MTUS1: variants seen among roughly 807,000 people sequenced by gnomAD.
MTUS1 encodes microtubule associated scaffold protein 1.
Under a neutral mutation model 120.8 loss-of-function variants are expected in MTUS1, and 109 were observed. That is an observed-to-expected ratio of 0.90 (90% CI 0.77 to 1.06). The LOEUF (loss-of-function observed/expected upper bound fraction) is 1.06, where lower values mean the gene tolerates loss of function less well. Ranked by LOEUF, MTUS1 falls within the 50% of genes least tolerant of loss-of-function variation. MTUS1 has a pLI of 0.00. For synonymous variants in MTUS1, 737 were observed against 550.5 expected (o/e 1.34, Z -4.74); for missense variants, 2,210 against 1,486.3 (o/e 1.49, Z -8.01).
chr8:17,742,698 G>A (rs915962960), intron 3 of MTUS1, among the ~76,000 whole-genome samples: 2 of 152,106 alleles, frequency 1.3e-5, no homozygotes, highest in Non-Finnish European at 2.9e-5. Flanking sequence ...AAGCATTACA[G>A]GCTTTCACAC....
At chr8:17,788,316 G>A (rs181192907) in intron 1 of MTUS1, among the ~76,000 whole-genome samples, 1 of 152,178 alleles carries the variant, frequency 6.6e-6, no homozygotes, top group African/African-American at 2.4e-5. Context: ...TGTATTCTGA[G>A]ACATATTCAT....
intron 1 of MTUS1, among the ~76,000 whole-genome samples, chr8:17,799,887 G>A (rs965358596): frequency 1.3e-5 from 2 of 151,712 alleles, no homozygotes; most frequent in South Asian, 4.1e-4. Context: ...GGATAAGCAT[G>A]TAGTTCTAAT....
chr8:17,715,491 C>T (rs1388721747), intron 5 of MTUS1, among the ~76,000 whole-genome samples: 1 of 152,252 alleles, frequency 6.6e-6, no homozygotes, highest in South Asian at 2.1e-4. Context: ...TTCTAGAGCA[C>T]TGTTTTAGAA....
intron 6 of MTUS1, among the ~76,000 whole-genome samples, chr8:17,700,184 G>A (rs149275116): frequency 6.6e-6 from 1 of 152,098 alleles, no homozygotes; most frequent in East Asian, 1.9e-4. Flanking sequence ...TTTATGGGCC[G>A]GGCGCGGTGG....
In MTUS1 at chr8:17,753,944, T is replaced by A; in HGVS notation, c.1864A>T (p.Asn622Tyr). 1 of 1,614,226 alleles carries A rather than the reference T, an allele frequency of 6.2e-7. No homozygotes were observed. Among genetic ancestry groups the A allele is most frequent in the Non-Finnish European group, 8.5e-7 (1 of 1,180,040 alleles). Residue 622 changes from asparagine (N) to tyrosine (Y), a missense_variant, in exon 2 of 15, where the codon AAC (asparagine) becomes TAC (tyrosine). By Grantham distance (143) the Asn-to-Tyr change is moderately radical. Coordinates refer to ENST00000693296, the MANE Select transcript of MTUS1 (RefSeq NM_001363059.2). ...QEDVDKASSS[N>Y]SACETGSVSA... ...ACGGACCCGGTCTCGCATGCTGAGTTAGAAGAACTGGCTTTGTCAACATCT... is the reference window on the plus strand; with the variant it reads ...ACGGACCCGGTCTCGCATGCTGAGTAAGAAGAACTGGCTTTGTCAACATCT...
chr8:17,786,085 A>G (rs2051279942), intron 1 of MTUS1, among the ~76,000 whole-genome samples: 1 of 152,222 alleles, frequency 6.6e-6, no homozygotes, highest in Non-Finnish European at 1.5e-5. Flanking sequence ...GGCTGCCGTG[A>G]GCCAAGACTG....
Position 17,754,395 on chromosome 8 carries a change from A to G in MTUS1, c.1413T>C (p.Pro471=), listed in dbSNP as rs760592440. Residue 471 remains proline (P), a synonymous_variant, in exon 2 of 15, where the codon CCT becomes CCC. Coordinates refer to ENST00000693296, the MANE Select transcript of MTUS1 (RefSeq NM_001363059.2). The part of the protein sequence containing the change: ...LKNIPDSKEA[P]VNLCKPSLGK... ...CTAAACTGGGTTTACACAGGTTCAC[A>G]GGTGCCTCCTTCGAGTCTGGTATGT... The G allele has an allele frequency of 1.2e-6, 2 of 1,614,166 alleles. No homozygotes were observed. Among genetic ancestry groups the G allele is most frequent in the Middle Eastern group, 1.6e-4 (1 of 6,062 alleles).
chr8:17,780,499 G>T (rs1018780185), intron 1 of MTUS1, among the ~76,000 whole-genome samples: 1 of 152,152 alleles, frequency 6.6e-6, no homozygotes, highest in Non-Finnish European at 1.5e-5. Context: ...TAGTGTTCCT[G>T]GTTTTCAACA....
intron 8 of MTUS1, among the ~76,000 whole-genome samples, chr8:17,660,942 C>T (rs527270947): frequency 5.9e-5 from 9 of 152,192 alleles, no homozygotes; most frequent in Non-Finnish European, 1.2e-4. Flanking sequence ...TTACAGGGGC[C>T]ATCGCACGCA....
intron 1 of MTUS1, among the ~76,000 whole-genome samples, chr8:17,774,002 C>T (rs2050209811): frequency 6.6e-6 from 1 of 152,210 alleles, no homozygotes; most frequent in Non-Finnish European, 1.5e-5. Context: ...GCCCTCACAT[C>T]TACATTCTCT....
At chr8:17,780,219 C>G (rs1430114525) in intron 1 of MTUS1, among the ~76,000 whole-genome samples, 1 of 152,158 alleles carries the variant, frequency 6.6e-6, no homozygotes, top group East Asian at 1.9e-4. Context: ...GGTACCTCCC[C>G]CGTCCCCTTG....
chr8:17,658,527 C>T (rs1346107355), intron 8 of MTUS1, among the ~76,000 whole-genome samples: 1 of 152,156 alleles, frequency 6.6e-6, no homozygotes, highest in Non-Finnish European at 1.5e-5. Flanking sequence ...TAAATACAGG[C>T]AGACAGGGTA....
chr8:17,762,847 C>T (rs2049149792), intron 1 of MTUS1, among the ~76,000 whole-genome samples: 1 of 152,142 alleles, frequency 6.6e-6, no homozygotes, highest in Non-Finnish European at 1.5e-5. Flanking sequence ...CATTTCTATC[C>T]TTCTCCCTGG....
In MTUS1 at chr8:17,786,295, C is replaced by T. The variant is rs564979977; in HGVS notation, c.-155+14766G>A. 2.8e-4 allele frequency among the ~76,000 whole-genome samples: 42 copies of T among 152,242 alleles called. No individual in the cohort carries two copies. In the South Asian group the frequency reaches 8.7e-3, roughly 32 times the overall value. The stretch of plus-strand genomic sequence containing the variant: ...GCCCGATGAGTTACTTCCGTAGAGA[C>T]CAGAGAGGTCTGGAAGGCAGTGCCT... On this transcript the variant is annotated intron_variant, in intron 1 of 14. Transcript: ENST00000693296.
Position 17,742,285 on chromosome 8 carries a change from GTTGTTGTT to G in MTUS1, c.2287+1311_2287+1318del, listed in dbSNP as rs1460069257. 1.2e-4 allele frequency among the ~76,000 whole-genome samples: 8 copies of G among 69,516 alleles called. No individual in the cohort carries two copies. In the South Asian group the frequency reaches 2.2e-3, roughly 19 times the overall value. The allele number at this position is 69,516 out of a possible 152,430, so 45.6% of individuals were successfully genotyped here. A position where few individuals can be genotyped will look rare whatever the true frequency, so the allele number is the denominator to read the frequency against. On this transcript the variant is annotated intron_variant, in intron 3 of 14. Coordinates refer to ENST00000693296, the MANE Select transcript of MTUS1 (RefSeq NM_001363059.2). ...TGCCCAGCTGTTTTTTTTTTTTGTT[GTTGTTGTT>G]TTTTTTTTTTTTTTTTTTAGAGATA... is the stretch of plus-strand genomic sequence containing the variant.
intron 7 of MTUS1, among the ~76,000 whole-genome samples, chr8:17,679,596 G>A (rs1053818939): frequency 2.0e-5 from 3 of 151,888 alleles, no homozygotes; most frequent in East Asian, 1.9e-4. Context: ...CCACCTATTG[G>A]GTTCAAGCGA....
At chr8:17,768,069 G>T (rs2049704585) in intron 1 of MTUS1, among the ~76,000 whole-genome samples, 1 of 152,152 alleles carries the variant, frequency 6.6e-6, no homozygotes, top group South Asian at 2.1e-4. Context: ...CCCAATACAG[G>T]TCTGTTGAAT....
intron 2 of MTUS1, among the ~76,000 whole-genome samples, chr8:17,750,062 G>C (rs891645578): frequency 7.2e-5 from 11 of 152,222 alleles, no homozygotes; most frequent in African/African-American, 2.7e-4. Flanking sequence ...ATCCGTGCTT[G>C]TAAAGCAGCA....
intron 8 of MTUS1, among the ~76,000 whole-genome samples, chr8:17,669,588 A>G (rs6995554): frequency 0.8 from 121,550 of 152,084 alleles, 48,680 homozygotes; most frequent in East Asian, 0.96. Flanking sequence ...GCTCAAGCCT[A>G]TAATCCCAAC....
Sources: gnomAD v4.1 joint callset for allele counts (sites outside exome capture counted in the v4.1 genomes callset) on GRCh38, gnomAD v4.1.1 for gene constraint, MANE v1.5 for transcripts, NCBI Gene and HGNC (gene_info 2026-07-23, HGNC 2026-07-21) for gene names.